Variants in SIL1 observed in about 807,000 individuals in gnomAD.
SIL1 encodes the protein SIL1 nucleotide exchange factor.
In SIL1, 40 loss-of-function variants were observed where a neutral mutation model predicts 49.1. The ratio of observed to expected loss-of-function variants is 0.81; its 90% CI spans 0.63 to 1.06. The LOEUF is 1.06. SIL1 is among the 50% of genes least tolerant of loss of function. The pLI, the probability that SIL1 is intolerant of heterozygous loss-of-function variation, is 0.00. For synonymous variants in SIL1, 253 were observed against 250.8 expected (o/e 1.01, Z -0.08); for missense variants, 500 against 572.6 (o/e 0.87, Z 1.29).
At chr5:139,039,412 G>A (rs1437332082) in intron 5 of SIL1, among the ~76,000 whole-genome samples, 3 of 152,200 alleles carry the variant, frequency 2.0e-5, no homozygotes. Flanking sequence ...GACAGGTATT[G>A]TAAATAAGGT....
intron 3 of SIL1, among the ~76,000 whole-genome samples, chr5:139,105,558 T>C (rs1581103503): frequency 6.6e-6 from 1 of 152,232 alleles, no homozygotes; most frequent in Admixed American, 6.5e-5. Flanking sequence ...AGGCAGGCCA[T>C]ACAAGAACAG....
intron 3 of SIL1, among the ~76,000 whole-genome samples, chr5:139,067,423 A>G (rs757199677): frequency 2.0e-5 from 3 of 152,192 alleles, no homozygotes; most frequent in Non-Finnish European, 4.4e-5. Flanking sequence ...ACAGGATTTG[A>G]TGAACTATTG....
At chr5:139,055,091 G>A (rs946796471) in intron 3 of SIL1, among the ~76,000 whole-genome samples, 3 of 152,174 alleles carry the variant, frequency 2.0e-5, no homozygotes, top group Admixed American at 6.5e-5. Flanking sequence ...GGTACAGGCA[G>A]AAAATAATGT....
intron 3 of SIL1, among the ~76,000 whole-genome samples, chr5:139,100,246 G>T (rs1403027887): frequency 1.3e-5 from 2 of 152,148 alleles, no homozygotes; most frequent in Non-Finnish European, 2.9e-5. Flanking sequence ...AAAGAAGAAA[G>T]TCACTTCTGA....
At chr5:139,071,169 C>G (rs1252351771) in intron 3 of SIL1, among the ~76,000 whole-genome samples, 1 of 120,042 alleles carries the variant, frequency 8.3e-6, no homozygotes, top group South Asian at 2.8e-4. Context: ...ATGGCCTGAG[C>G]TCTTCAACAG....
intron 3 of SIL1, among the ~76,000 whole-genome samples, chr5:139,065,576 A>G (rs1179412112): frequency 6.6e-6 from 1 of 152,212 alleles, no homozygotes; most frequent in Admixed American, 6.5e-5. Context: ...AGCATGGGCA[A>G]GGAGGCCTGG....
intron 3 of SIL1, among the ~76,000 whole-genome samples, chr5:139,063,363 C>T (rs763031784): frequency 6.6e-6 from 1 of 152,158 alleles, no homozygotes; most frequent in Non-Finnish European, 1.5e-5. Flanking sequence ...AAAACTGGGG[C>T]TAAAGGGGGC....
intron 9 of SIL1, among the ~76,000 whole-genome samples, chr5:138,949,489 C>T (rs1766714225): frequency 6.6e-6 from 1 of 152,124 alleles, no homozygotes; most frequent in Non-Finnish European, 1.5e-5. Flanking sequence ...AGCTCTGGAC[C>T]CACCCCTAGC....
chr5:139,181,478 A>G (rs1321772538), intron 1 of SIL1, among the ~76,000 whole-genome samples: 2 of 152,210 alleles, frequency 1.3e-5, no homozygotes, highest in African/African-American at 4.8e-5. Flanking sequence ...AACAGCACAC[A>G]CCATCACAAG....
intron 3 of SIL1, among the ~76,000 whole-genome samples, chr5:139,059,239 C>T (rs1769529253): frequency 6.6e-6 from 1 of 152,088 alleles, no homozygotes. Flanking sequence ...CTTTCCTGTG[C>T]TGTTCCTGTG....
chr5:139,095,371 C>A (rs574103568), intron 3 of SIL1, among the ~76,000 whole-genome samples: 4 of 150,160 alleles, frequency 2.7e-5, no homozygotes, highest in Non-Finnish European at 5.9e-5. Context: ...TCAAACAATT[C>A]TCGTGCCTCA....
intron 1 of SIL1, among the ~76,000 whole-genome samples, chr5:139,129,668 T>C (rs1750822074): frequency 1.3e-5 from 2 of 152,074 alleles, no homozygotes; most frequent in African/African-American, 4.8e-5. Context: ...CGAGACTCCG[T>C]CTCAAAAATA....
intron 1 of SIL1, among the ~76,000 whole-genome samples, chr5:139,158,732 T>C (rs1039116280): frequency 6.6e-6 from 1 of 152,134 alleles, no homozygotes; most frequent in African/African-American, 2.4e-5. Flanking sequence ...AAAGGTAAAA[T>C]AATTTTTTAA....
chr5:139,159,759 C>A (rs1439651161), intron 1 of SIL1, among the ~76,000 whole-genome samples: 2 of 152,086 alleles, frequency 1.3e-5, no homozygotes, highest in African/African-American at 4.8e-5. Context: ...GTATATTAGT[C>A]CATCAGGTGC....
At chr5:138,985,713 A>C (rs1052330587) in intron 7 of SIL1, among the ~76,000 whole-genome samples, 2 of 152,172 alleles carry the variant, frequency 1.3e-5, no homozygotes, top group African/African-American at 4.8e-5. Flanking sequence ...ACTGTATCCC[A>C]TGTGTCCAGA....
intron 7 of SIL1, among the ~76,000 whole-genome samples, chr5:138,969,024 G>C (rs1363538866): frequency 1.2e-4 from 19 of 152,064 alleles, no homozygotes; most frequent in Non-Finnish European, 2.4e-4. Flanking sequence ...AGCCCAGATG[G>C]TCAATAACCC....
chr5:138,955,232 A>C (rs895426519), intron 7 of SIL1, among the ~76,000 whole-genome samples: 3 of 152,242 alleles, frequency 2.0e-5, no homozygotes, highest in African/African-American at 7.2e-5. Context: ...AAGGATATTA[A>C]GGACGTAGCT....
chr5:139,099,353 A>G (rs1770537267), intron 3 of SIL1, among the ~76,000 whole-genome samples: 1 of 152,180 alleles, frequency 6.6e-6, no homozygotes, highest in East Asian at 1.9e-4. Flanking sequence ...CTACACCACT[A>G]TGGAGAATAA....
chr5:138,974,410 T>C (rs1156360138), intron 7 of SIL1, among the ~76,000 whole-genome samples: 1 of 152,234 alleles, frequency 6.6e-6, no homozygotes, highest in African/African-American at 2.4e-5. Context: ...GGCAGGACTG[T>C]GCAACTGAGA....
Sources: allele counts gnomAD v4.1 joint callset (sites outside exome capture counted in the v4.1 genomes callset), GRCh38; gene constraint gnomAD v4.1.1; transcripts MANE v1.5; gene names NCBI Gene and HGNC (gene_info 2026-07-23, HGNC 2026-07-21).